The following CLNK variants were observed in gnomAD, a reference collection of about 807,000 sequenced individuals.
The protein encoded by CLNK is cytokine-dependent hematopoietic cell linker.
CLNK carries 74 observed loss-of-function variants against 68.6 expected under a neutral mutation model. The ratio of observed to expected loss-of-function variants is 1.08; its 90% CI spans 0.89 to 1.31. CLNK has a LOEUF of 1.31. Ranked by LOEUF, CLNK falls within the 50% of genes most tolerant of loss-of-function variation. The pLI, the probability that CLNK is intolerant of heterozygous loss-of-function variation, is 0.00. For missense variants in CLNK, 553 were observed against 515.3 expected (o/e 1.07, Z -0.71); for synonymous variants, 198 against 172.2 (o/e 1.15, Z -1.17).
At chr4:10,721,052 A>G in the CLNK span, among the ~76,000 whole-genome samples, 2 of 152,214 alleles carry the variant, frequency 1.3e-5, no homozygotes, top group Non-Finnish European at 2.9e-5. Flanking sequence ...TGTTGAGTGA[A>G]AAAGTCAATC....
chr4:10,501,276 T>C lies in CLNK; in HGVS notation c.1120A>G (p.Thr374Ala). 6.3e-7 allele frequency: 1 copy of C among 1,594,904 alleles called. No homozygotes were observed. The highest frequency in any genetic ancestry group is 8.5e-7 in the Non-Finnish European group (1 of 1,174,070). Residue 374 changes from threonine (T) to alanine (A), a missense_variant, in exon 18 of 19, where the codon ACA becomes GCA. Physicochemically the swap from Thr to Ala is moderately conservative, Grantham distance 58. Coordinates refer to ENST00000226951, the MANE Select transcript of CLNK (RefSeq NM_052964.4). Reference protein sequence around the residue: ...LERNQQFALGTGLRGDEKFDS... With the variant: ...LERNQQFALGAGLRGDEKFDS... ...CCCACCTCATCTCCTCTGAGTCCTG[T>C]CCCCAGGGCAAACTGCTGATTCCTC...
intron 2 of CLNK, among the ~76,000 whole-genome samples, chr4:10,624,417 C>A (rs1312658416): frequency 6.6e-6 from 1 of 152,086 alleles, no homozygotes; most frequent in Admixed American, 6.5e-5. Context: ...CTCAGCCTCC[C>A]GAGTAGCTCG....
intron 2 of CLNK, among the ~76,000 whole-genome samples, chr4:10,640,551 A>G (rs554408913): frequency 2.6e-5 from 4 of 152,320 alleles, no homozygotes. Context: ...GTGTATTATA[A>G]TTCTTCCTCT....
At chr4:10,605,929 C>A (rs1372027197) in intron 2 of CLNK, among the ~76,000 whole-genome samples, 2 of 151,644 alleles carry the variant, frequency 1.3e-5, no homozygotes, top group African/African-American at 4.8e-5. Flanking sequence ...GGAATTTGCT[C>A]TGGGTGAGTC....
intron 17 of CLNK, among the ~76,000 whole-genome samples, chr4:10,505,989 A>G (rs754671234): frequency 6.6e-6 from 1 of 152,112 alleles, no homozygotes; most frequent in Non-Finnish European, 1.5e-5. Context: ...TCACTAACTA[A>G]TTCATTCATT....
the CLNK span, among the ~76,000 whole-genome samples, chr4:10,712,567 C>T: frequency 6.6e-6 from 1 of 152,158 alleles, no homozygotes; most frequent in Non-Finnish European, 1.5e-5. Flanking sequence ...GCCTGTATAG[C>T]ATTAATGAAA....
chr4:10,699,514 T>TTTA, the CLNK span, among the ~76,000 whole-genome samples: 15 of 18,444 alleles, frequency 8.1e-4, no homozygotes, highest in African/African-American at 2.3e-3. Flanking sequence ...ATATATATAT[T>TTTA]TTTTTTTTTT....
chr4:10,593,198 A>C (rs1036433926), intron 3 of CLNK, among the ~76,000 whole-genome samples: 1 of 152,160 alleles, frequency 6.6e-6, no homozygotes, highest in African/African-American at 2.4e-5. Flanking sequence ...GGTGGGCCAC[A>C]GTGAGAAAAG....
In CLNK at chr4:10,487,504, G is replaced by A. The variant is rs974954186; in HGVS notation, c.*2963C>T. Reference sequence around the variant, plus strand: ...ACACTGAAAACAGTGAATTCAGGATGTTGCTGTGGCAGGCCAGAGGTGGGT... The same window carrying A: ...ACACTGAAAACAGTGAATTCAGGATATTGCTGTGGCAGGCCAGAGGTGGGT... On this transcript the variant is annotated 3_prime_UTR_variant, in exon 19 of 19. Coordinates refer to ENST00000226951, the MANE Select transcript of CLNK (RefSeq NM_052964.4). The A allele has an allele frequency of 1.3e-5, 2 of 152,194 alleles. No homozygotes were observed. Among genetic ancestry groups the A allele is most frequent in the Non-Finnish European group, 2.9e-5 (2 of 68,036 alleles). The allele number at this position is 152,194 out of a possible 1,614,324, so 9.4% of individuals were successfully genotyped here. A position where few individuals can be genotyped will look rare whatever the true frequency, so the allele number is the denominator to read the frequency against.
At chr4:10,629,563 G>T (rs1722806126) in intron 2 of CLNK, among the ~76,000 whole-genome samples, 1 of 152,174 alleles carries the variant, frequency 6.6e-6, no homozygotes, top group Non-Finnish European at 1.5e-5. Flanking sequence ...GCGAGGGGAC[G>T]CCCACATCAA....
intron 4 of CLNK, among the ~76,000 whole-genome samples, chr4:10,577,600 C>G (rs1462462925): frequency 6.6e-6 from 1 of 152,116 alleles, no homozygotes; most frequent in Non-Finnish European, 1.5e-5. Flanking sequence ...TTTTATTTCT[C>G]CTTTTTGTTT....
the CLNK span, among the ~76,000 whole-genome samples, chr4:10,697,893 A>G: frequency 3.9e-5 from 6 of 152,194 alleles, no homozygotes; most frequent in African/African-American, 1.2e-4. Flanking sequence ...ATCATGACAT[A>G]TAATATGAAT....
the CLNK span, among the ~76,000 whole-genome samples, chr4:10,709,640 T>C: frequency 6.6e-6 from 1 of 152,204 alleles, no homozygotes; most frequent in Non-Finnish European, 1.5e-5. Flanking sequence ...CTCCTTTGAA[T>C]CTAGATGCCT....
the CLNK span, among the ~76,000 whole-genome samples, chr4:10,726,053 C>T: frequency 1.3e-5 from 2 of 152,056 alleles, no homozygotes; most frequent in Non-Finnish European, 2.9e-5. Context: ...CTTCTCTGGA[C>T]TGTGAAGGAG....
At chr4:10,696,505 A>G in the CLNK span, among the ~76,000 whole-genome samples, 1 of 152,278 alleles carries the variant, frequency 6.6e-6, no homozygotes, top group Admixed American at 6.5e-5. Context: ...GGGGAGCTGA[A>G]ACTCTGTGGG....
At chr4:10,691,170 T>C in the CLNK span, among the ~76,000 whole-genome samples, 1 of 152,136 alleles carries the variant, frequency 6.6e-6, no homozygotes, top group Non-Finnish European at 1.5e-5. Context: ...TATGCATTAA[T>C]AGGTATTGGG....
intron 2 of CLNK, among the ~76,000 whole-genome samples, chr4:10,666,684 C>T (rs1724407917): frequency 1.3e-5 from 2 of 152,236 alleles, no homozygotes; most frequent in Admixed American, 6.5e-5. Context: ...AAGGAGGTCA[C>T]AACTCCTGGC....
At chr4:10,545,191 C>T (rs1719178548) in intron 8 of CLNK, among the ~76,000 whole-genome samples, 1 of 152,220 alleles carries the variant, frequency 6.6e-6, no homozygotes, top group Middle Eastern at 3.4e-3. Flanking sequence ...ATTCCACTAC[C>T]AACTCAAAAG....
intron 2 of CLNK, among the ~76,000 whole-genome samples, chr4:10,608,861 A>G (rs573852542): frequency 6.6e-6 from 1 of 152,294 alleles, no homozygotes; most frequent in South Asian, 2.1e-4. Context: ...TACCCTTAGA[A>G]CTGGCGTTTG....
Sources: allele counts gnomAD v4.1 joint callset (sites outside exome capture counted in the v4.1 genomes callset), GRCh38; gene constraint gnomAD v4.1.1; transcripts MANE v1.5; gene names NCBI Gene and HGNC (gene_info 2026-07-23, HGNC 2026-07-21).